GUCY1A2: variants seen among roughly 807,000 people sequenced by gnomAD.
The protein encoded by GUCY1A2 is guanylate cyclase soluble subunit alpha-2.
Under a neutral mutation model 63.5 loss-of-function variants are expected in GUCY1A2, and 27 were observed. The ratio of observed to expected loss-of-function variants is 0.43; its 90% CI spans 0.31 to 0.59. GUCY1A2 has a LOEUF of 0.59. GUCY1A2 is among the 20% of genes least tolerant of loss of function. The pLI, the probability that GUCY1A2 is intolerant of heterozygous loss-of-function variation, is 0.11. For synonymous variants in GUCY1A2, 364 were observed against 343.5 expected (o/e 1.06, Z -0.66); for missense variants, 768 against 913.3 (o/e 0.84, Z 2.05).
At chr11:106,821,735 T>G (rs759934919) in intron 4 of GUCY1A2, among the ~76,000 whole-genome samples, 11 of 152,210 alleles carry the variant, frequency 7.2e-5, no homozygotes, top group Non-Finnish European at 1.6e-4. Flanking sequence ...GTGTAAAATC[T>G]TATTGGCCAT....
intron 6 of GUCY1A2, among the ~76,000 whole-genome samples, chr11:106,760,281 G>A (rs1430056370): frequency 6.6e-6 from 1 of 152,156 alleles, no homozygotes; most frequent in East Asian, 1.9e-4. Flanking sequence ...TCACAGTGAT[G>A]AGTGAGAATG....
At chr11:106,913,899 T>C (rs1860329604) in intron 4 of GUCY1A2, among the ~76,000 whole-genome samples, 2 of 148,782 alleles carry the variant, frequency 1.3e-5, no homozygotes, top group Admixed American at 6.8e-5. Flanking sequence ...TAAATGTTAA[T>C]CGGCAACCAT....
At chr11:106,824,016 T>C (rs1858935538) in intron 4 of GUCY1A2, 1 of 1,273,258 alleles carries the variant, frequency 7.9e-7, no homozygotes, top group Non-Finnish European at 1.1e-6. Context: ...TTTCCGTGAT[T>C]CCTTCAAAAG....
chr11:106,706,959 C>A (rs1385534650), intron 7 of GUCY1A2, among the ~76,000 whole-genome samples: 1 of 151,968 alleles, frequency 6.6e-6, no homozygotes, highest in African/African-American at 2.4e-5. Flanking sequence ...GATGCAAATC[C>A]TCTTATAAAT....
At chr11:106,802,037 GTTA>G (rs1298481121) in intron 5 of GUCY1A2, among the ~76,000 whole-genome samples, 1 of 152,078 alleles carries the variant, frequency 6.6e-6, no homozygotes, top group Admixed American at 6.6e-5. Flanking sequence ...TTAAATCACT[GTTA>G]TTAAGTGATA....
At chr11:106,956,886 C>T (rs886961127) in intron 3 of GUCY1A2, among the ~76,000 whole-genome samples, 1 of 152,204 alleles carries the variant, frequency 6.6e-6, no homozygotes. Flanking sequence ...CAAGAGGAGA[C>T]AGCAAGTCTG....
At chr11:106,756,616 G>C (rs1291112129) in intron 6 of GUCY1A2, among the ~76,000 whole-genome samples, 1 of 152,080 alleles carries the variant, frequency 6.6e-6, no homozygotes, top group African/African-American at 2.4e-5. Flanking sequence ...AGCTTAGTTT[G>C]GCTGGATATG....
At chr11:106,764,505 G>A in intron 6 of GUCY1A2, among the ~76,000 whole-genome samples, 1 of 151,978 alleles carries the variant, frequency 6.6e-6, no homozygotes, top group East Asian at 1.9e-4. Flanking sequence ...TATAAATAGA[G>A]ATAACATCTA....
chr11:106,787,759 CCACA>C (rs1465831007), intron 5 of GUCY1A2, among the ~76,000 whole-genome samples: 2 of 151,322 alleles, frequency 1.3e-5, no homozygotes, highest in Non-Finnish European at 2.9e-5. Context: ...TGTATATGTA[CCACA>C]TTTTCTTTAT....
intron 4 of GUCY1A2, chr11:106,827,559 CAG>C (rs1221968401): frequency 1.5e-5 from 22 of 1,455,724 alleles, no homozygotes; most frequent in African/African-American, 1.1e-4. Context: ...CTCCAGCACA[CAG>C]AGTTTCTTAT....
intron 4 of GUCY1A2, among the ~76,000 whole-genome samples, chr11:106,859,255 CT>C (rs1174750483): frequency 6.6e-6 from 1 of 151,808 alleles, no homozygotes; most frequent in Non-Finnish European, 1.5e-5. Flanking sequence ...GAATCCAATC[CT>C]GTGTTAAGGC....
chr11:106,918,288 T>A (rs539093122), intron 4 of GUCY1A2, among the ~76,000 whole-genome samples: 1 of 145,518 alleles, frequency 6.9e-6, no homozygotes, highest in Admixed American at 6.8e-5. Flanking sequence ...CTCTATTTAT[T>A]ACATTTGCAG....
At chr11:106,764,010 A>C (rs543192837) in intron 6 of GUCY1A2, among the ~76,000 whole-genome samples, 20 of 152,210 alleles carry the variant, frequency 1.3e-4, no homozygotes, top group African/African-American at 4.3e-4. Flanking sequence ...TGTTTCTACA[A>C]AAAGTTCATT....
At chr11:106,813,839 A>G (rs910505193) in intron 4 of GUCY1A2, among the ~76,000 whole-genome samples, 6 of 152,072 alleles carry the variant, frequency 3.9e-5, no homozygotes, top group African/African-American at 1.4e-4. Flanking sequence ...AGTACTTGCT[A>G]TTGCCCATGT....
chr11:106,860,967 T>A (rs1239447904), intron 4 of GUCY1A2, among the ~76,000 whole-genome samples: 2 of 151,968 alleles, frequency 1.3e-5, no homozygotes, highest in African/African-American at 4.8e-5. Context: ...GTTATAAAGA[T>A]AAATTTTAAG....
intron 7 of GUCY1A2, among the ~76,000 whole-genome samples, chr11:106,704,127 T>C (rs1414890832): frequency 1.3e-5 from 2 of 152,158 alleles, no homozygotes; most frequent in Non-Finnish European, 2.9e-5. Context: ...AACCCATTCT[T>C]TCTCTCAAAT....
chr11:106,799,138 C>T (rs1306458642), intron 5 of GUCY1A2, among the ~76,000 whole-genome samples: 1 of 150,700 alleles, frequency 6.6e-6, no homozygotes, highest in African/African-American at 2.4e-5. Context: ...CAGAGAGCTC[C>T]ATTCACAACT....
chr11:106,782,845 T>G (rs1008671929), intron 5 of GUCY1A2, among the ~76,000 whole-genome samples: 2 of 152,168 alleles, frequency 1.3e-5, no homozygotes, highest in African/African-American at 4.8e-5. Context: ...TGGTCTTGGG[T>G]ACATTAAGAG....
Position 106,939,470 on chromosome 11 carries a change from T to C in GUCY1A2, c.1196A>G (p.Asn399Ser), listed in dbSNP as rs1860721998. The change falls in exon 4 of 8, where the codon AAT becomes AGT. Residue 399 changes from asparagine (N) to serine (S), a missense_variant. Around this residue, in one of 3 missense-constraint regions of GUCY1A2, gnomAD observed 122 missense variants for 238.1 expected, o/e 0.51. Coordinates refer to ENST00000526355, the MANE Select transcript of GUCY1A2 (RefSeq NM_000855.3). ...GTCCATAGCACTTACCTTGTCTTTATTTTCAGAGCCAGAAGCCTCAGGCTT... is the reference window on the plus strand; with the variant it reads ...GTCCATAGCACTTACCTTGTCTTTACTTTCAGAGCCAGAAGCCTCAGGCTT... The part of the protein sequence containing the change: ...RTKPEASGSE[N>S]KDKVMEVKGQ... 2 of 1,577,932 alleles carry C rather than the reference T, an allele frequency of 1.3e-6. No homozygotes were observed. Among genetic ancestry groups the C allele is most frequent in the South Asian group, 1.1e-5 (1 of 89,928 alleles).
Sources: allele counts gnomAD v4.1 joint callset (sites outside exome capture counted in the v4.1 genomes callset), GRCh38; gene constraint gnomAD v4.1.1; regional missense constraint gnomAD v4.1.1; transcripts MANE v1.5; gene names NCBI Gene and HGNC (gene_info 2026-07-23, HGNC 2026-07-21).